Variants in SNX2 observed in about 807,000 individuals in gnomAD.
The protein encoded by SNX2 is sorting nexin 2.
Under a neutral mutation model 69.9 loss-of-function variants are expected in SNX2, and 25 were observed. The observed-to-expected ratio is 0.36, with a 90% confidence interval of 0.26 to 0.50. The LOEUF (loss-of-function observed/expected upper bound fraction) is 0.50, where lower values mean the gene tolerates loss of function less well. SNX2 is among the 20% of genes least tolerant of loss of function. SNX2 has a pLI of 0.97. For missense variants in SNX2, 551 were observed against 613.3 expected, an observed-to-expected ratio of 0.90 and a Z score of 1.07; for synonymous variants, 229 against 200.4, an observed-to-expected ratio of 1.14 and a Z score of -1.20.
At position 122,827,268 on chromosome 5, in the gene SNX2, T is replaced by C. The variant is rs1754170428; in HGVS notation, c.1357-111T>C. The C allele has an allele frequency of 8.5e-6, 7 of 827,316 alleles. No homozygotes were observed. The Admixed American group carries it at 1.8e-4, about 21-fold the overall frequency. The allele number at this position is 827,316 out of a possible 1,614,324, so 51.2% of individuals were successfully genotyped here. On this transcript the variant is annotated intron_variant, in intron 12 of 14. Coordinates refer to ENST00000379516, the MANE Select transcript of SNX2 (RefSeq NM_003100.4). Reference sequence around the variant, plus strand: ...TTGATGCTAAATTGTGCATTGCCAATATTGAGCTTTCTCAGGATTTTCAGG... The same window carrying C: ...TTGATGCTAAATTGTGCATTGCCAACATTGAGCTTTCTCAGGATTTTCAGG...
chr5:122,780,350 G>A (rs1752949012), intron 1 of SNX2, among the ~76,000 whole-genome samples: 1 of 152,146 alleles, frequency 6.6e-6, no homozygotes, highest in Non-Finnish European at 1.5e-5. Flanking sequence ...ACAGAAACAG[G>A]TGATATATGT....
At chr5:122,812,201 G>C (rs11241659) in intron 7 of SNX2, among the ~76,000 whole-genome samples, 62,756 of 151,856 alleles carry the variant, frequency 0.41, 13,554 homozygotes, top group African/African-American at 0.5. Context: ...CCCTCCCCAC[G>C]CTGGCCCCAT....
intron 2 of SNX2, among the ~76,000 whole-genome samples, chr5:122,797,878 A>G (rs201069265): frequency 7.1e-6 from 1 of 141,252 alleles, no homozygotes; most frequent in Admixed American, 7.3e-5. Flanking sequence ...AAGACAGATT[A>G]TATATATATG....
intron 6 of SNX2, among the ~76,000 whole-genome samples, chr5:122,806,164 A>ACACACACACACACACACACACACACACC: frequency 1.4e-5 from 2 of 147,820 alleles, no homozygotes; most frequent in Non-Finnish European, 3.0e-5. Flanking sequence ...ACACACACAC[A>ACACACACACACACACACACACACACACC]CACAGCCCAC....
In SNX2 at chr5:122,831,608, C is replaced by T. The variant is rs978165397; in HGVS notation, c.*1960C>T. 6.6e-5 allele frequency among the ~76,000 whole-genome samples: 10 copies of T among 152,088 alleles called. No individual in the cohort carries two copies. The highest frequency in any genetic ancestry group is 1.3e-4 in the Admixed American group (2 of 15,266). ...TGCTTCTGGGAATACTTTTCAGAAACGAATAATTCATAGTAATATATATCA... is the reference window on the plus strand; with the variant it reads ...TGCTTCTGGGAATACTTTTCAGAAATGAATAATTCATAGTAATATATATCA... On this transcript the variant is annotated 3_prime_UTR_variant, in exon 15 of 15. Transcript: ENST00000379516.
At chr5:122,812,792 T>C (rs1286373812) in intron 7 of SNX2, among the ~76,000 whole-genome samples, 5 of 152,198 alleles carry the variant, frequency 3.3e-5, no homozygotes, top group African/African-American at 1.2e-4. Flanking sequence ...CAGTAAGTAT[T>C]TGCTGAATGA....
At chr5:122,784,018 A>G (rs1439708956) in intron 1 of SNX2, among the ~76,000 whole-genome samples, 1 of 151,706 alleles carries the variant, frequency 6.6e-6, no homozygotes, top group Admixed American at 6.6e-5. Flanking sequence ...TGAGTATTTC[A>G]TAGTTTTTAG....
chr5:122,791,417 G>T (rs1280308481), intron 1 of SNX2, among the ~76,000 whole-genome samples: 2 of 152,194 alleles, frequency 1.3e-5, no homozygotes, highest in East Asian at 3.8e-4. Flanking sequence ...GGGTAGCTGG[G>T]ATTACAGGCG....
chr5:122,815,485 G>C, intron 7 of SNX2: 1 of 152,386 alleles, frequency 6.6e-6, no homozygotes, highest in East Asian at 1.9e-4. Context: ...ACTTGGTTGA[G>C]TGGAATATAT....
intron 11 of SNX2, among the ~76,000 whole-genome samples, chr5:122,824,386 C>T (rs1754107398): frequency 6.6e-6 from 1 of 151,902 alleles, no homozygotes; most frequent in Non-Finnish European, 1.5e-5. Context: ...TTTTCTGAAT[C>T]TATTTGTGTT....
At position 122,795,394 on chromosome 5, in the gene SNX2, T is replaced by G. The variant is rs774734304; in HGVS notation, c.226+11T>G. 1 of 1,532,670 alleles carries G rather than the reference T, an allele frequency of 6.5e-7. No individual in the cohort carries two copies. The highest frequency in any genetic ancestry group is 1.7e-5 in the Admixed American group (1 of 58,132). 94.9% of individuals were successfully genotyped at this position (1,532,670 alleles called of 1,614,324 possible). A position where few individuals can be genotyped will look rare whatever the true frequency, so the allele number is the denominator to read the frequency against. ...AAGATCTTTTTGCAGGTAATTGTCA[T>G]GTATTTATTTTTTAATAATGGTCAA... On this transcript the variant is annotated intron_variant, in intron 2 of 14. Coordinates refer to ENST00000379516, the MANE Select transcript of SNX2 (RefSeq NM_003100.4).
chr5:122,804,367 T>C (rs1197728999), intron 6 of SNX2, among the ~76,000 whole-genome samples: 1 of 145,120 alleles, frequency 6.9e-6, no homozygotes, highest in Non-Finnish European at 1.5e-5. Flanking sequence ...CATTTCTACT[T>C]TTTTTTTTTT....
chr5:122,777,553 T>C (rs1021334088), intron 1 of SNX2, among the ~76,000 whole-genome samples: 1 of 152,252 alleles, frequency 6.6e-6, no homozygotes, highest in Non-Finnish European at 1.5e-5. Flanking sequence ...ATAGGAACTT[T>C]TTCATTTAAG....
intron 1 of SNX2, among the ~76,000 whole-genome samples, chr5:122,776,995 T>A (rs538567658): frequency 5.2e-4 from 79 of 152,244 alleles, no homozygotes; most frequent in Admixed American, 1.2e-3. Flanking sequence ...TTTAGGTTAC[T>A]AATTTTCAGA....
intron 1 of SNX2, among the ~76,000 whole-genome samples, chr5:122,786,688 TAA>T (rs3834246): frequency 6.1e-5 from 9 of 147,274 alleles, no homozygotes; most frequent in Admixed American, 2.7e-4. Context: ...TAAGACAGAA[TAA>T]AAAAAAAAAT....
In SNX2 at chr5:122,785,661, C is replaced by T. The variant is rs552999762; in HGVS notation, c.109-9605C>T. The stretch of plus-strand genomic sequence containing the variant: ...TTGATCTATGAGTTATTTAGAAGTA[C>T]ATTATTTAATTTCCAAAATTTGAGG... On this transcript the variant is annotated intron_variant, in intron 1 of 14. Coordinates refer to ENST00000379516, the MANE Select transcript of SNX2 (RefSeq NM_003100.4). Among the ~76,000 whole-genome samples the T allele has an allele frequency of 6.8e-4, 103 of 152,234 alleles. 1 individual carries two copies. The highest frequency in any genetic ancestry group is 5.0e-3 in the South Asian group (24 of 4,826).
chr5:122,816,887 T>G (rs746719447), intron 8 of SNX2, 28 bp from the exon 9 acceptor site: 6 of 1,432,646 alleles, frequency 4.2e-6, no homozygotes, highest in Non-Finnish European at 5.9e-6. Context: ...AACCGGTTTG[T>G]TTGCCCTTAT....
At chr5:122,807,069 T>C (rs1057101602) in intron 6 of SNX2, among the ~76,000 whole-genome samples, 12 of 152,110 alleles carry the variant, frequency 7.9e-5, no homozygotes, top group Non-Finnish European at 1.6e-4. Context: ...TTGGATTGCT[T>C]GAGCTCAGGG....
Position 122,808,533 on chromosome 5 carries a change from A to G in SNX2, c.722+178A>G, listed in dbSNP as rs1753701977. Reference sequence around the variant, plus strand: ...ATTACTTCTTTCAACAAAGTACTGTATAATTGTTCTGTATAATTTTTAGTA... The same window carrying G: ...ATTACTTCTTTCAACAAAGTACTGTGTAATTGTTCTGTATAATTTTTAGTA... On this transcript the variant is annotated intron_variant, in intron 7 of 14. Coordinates refer to ENST00000379516, the MANE Select transcript of SNX2 (RefSeq NM_003100.4). 4 of 484,366 alleles carry G rather than the reference A, an allele frequency of 8.3e-6. No individual in the cohort carries two copies. The South Asian group carries it at 1.4e-4, about 17-fold the overall frequency. 30.0% of individuals were successfully genotyped at this position (484,366 alleles called of 1,614,324 possible).
Sources: allele counts gnomAD v4.1 joint callset (sites outside exome capture counted in the v4.1 genomes callset), GRCh38; gene constraint gnomAD v4.1.1; transcripts MANE v1.5; gene names NCBI Gene and HGNC (gene_info 2026-07-23, HGNC 2026-07-21).